The following PDS5B variants were observed in gnomAD, a reference collection of about 807,000 sequenced individuals.
The protein encoded by PDS5B is PDS5 cohesin associated factor B, also known as sister chromatid cohesion protein PDS5 homolog B.
Under a neutral mutation model 184.1 loss-of-function variants are expected in PDS5B, and 51 were observed. The observed-to-expected ratio is 0.28, with a 90% CI of 0.22 to 0.35. The LOEUF is 0.35. Ranked by LOEUF, PDS5B falls within the 10% of genes least tolerant of loss-of-function variation. The probability of loss-of-function intolerance (pLI) is 1.00; values close to 1 mark genes in which losing one functional copy is unlikely to be tolerated. For synonymous variants in PDS5B, 566 were observed against 569.2 expected (o/e 0.99, Z 0.08); for missense variants, 1,180 against 1,723.3 (o/e 0.68, Z 5.58).
rs1952158344 is a variant in PDS5B, at chr13:32,710,125, C to A, written c.2123+19C>A. 3 of 1,408,800 alleles carry A rather than the reference C, an allele frequency of 2.1e-6. No individual in the cohort carries two copies. The highest frequency in any genetic ancestry group is 2.8e-6 in the Non-Finnish European group (3 of 1,058,828). 87.3% of individuals were successfully genotyped at this position (1,408,800 alleles called of 1,614,324 possible). A position where few individuals can be genotyped will look rare whatever the true frequency, so the allele number is the denominator to read the frequency against. ...TCAGATCGTGAGTTGAGTTTATTTT[C>A]AAAAATATTCTGGACATCAGAAACA... is the stretch of plus-strand genomic sequence containing the variant. On this transcript the variant is annotated intron_variant, in intron 19 of 34. Transcript: ENST00000315596.
chr13:32,747,789 T>C (rs1335801237), intron 24 of PDS5B, among the ~76,000 whole-genome samples: 2 of 152,230 alleles, frequency 1.3e-5, no homozygotes, highest in Non-Finnish European at 2.9e-5. Flanking sequence ...TGGTATGGCA[T>C]TTCTTAGAGC....
chr13:32,683,804 C>T (rs1353258144), intron 10 of PDS5B, 74 bp from the exon 11 acceptor site: 1 of 968,704 alleles, frequency 1.0e-6, no homozygotes, highest in African/African-American at 1.7e-5. Flanking sequence ...GGCTTATTTT[C>T]AAGGGTATCA....
chr13:32,674,245 A>G (rs1285172210), intron 8 of PDS5B, among the ~76,000 whole-genome samples: 1 of 152,222 alleles, frequency 6.6e-6, no homozygotes, highest in Non-Finnish European at 1.5e-5. Flanking sequence ...GGTTATAATT[A>G]TTAATCTTTG....
At chr13:32,718,618 C>T (rs1433965906) in intron 19 of PDS5B, among the ~76,000 whole-genome samples, 4 of 152,118 alleles carry the variant, frequency 2.6e-5, no homozygotes, top group Admixed American at 2.0e-4. Context: ...TATTGTTTAA[C>T]ATTGTTTTGG....
intron 1 of PDS5B, among the ~76,000 whole-genome samples, chr13:32,641,311 C>T (rs1950082827): frequency 6.6e-6 from 1 of 151,774 alleles, no homozygotes; most frequent in South Asian, 2.1e-4. Context: ...TTAATGATAC[C>T]CTCTTCTTCT....
At chr13:32,738,632 C>T (rs1171042593) in intron 21 of PDS5B, among the ~76,000 whole-genome samples, 1 of 152,028 alleles carries the variant, frequency 6.6e-6, no homozygotes, top group Non-Finnish European at 1.5e-5. Context: ...TGTCTTTTCA[C>T]TCCTTTATTG....
At chr13:32,611,503 CTTTTTTTTTTTT>C (rs35825698) in intron 1 of PDS5B, among the ~76,000 whole-genome samples, 6 of 110,918 alleles carry the variant, frequency 5.4e-5, no homozygotes, top group African/African-American at 2.1e-4. Flanking sequence ...TTGGTTAAAA[CTTTTTTTTTTTT>C]TTTTTTTTTG....
At chr13:32,689,184 T>G (rs1951478996) in intron 13 of PDS5B, 1 of 152,428 alleles carries the variant, frequency 6.6e-6, no homozygotes, top group South Asian at 2.1e-4. Context: ...GCTTTAGGTT[T>G]TAGGAAATGT....
At chr13:32,729,103 C>T (rs146256349) in intron 19 of PDS5B, among the ~76,000 whole-genome samples, 7 of 152,202 alleles carry the variant, frequency 4.6e-5, no homozygotes, top group South Asian at 2.1e-4. Flanking sequence ...CCTTGCCCCC[C>T]ACCCCACAAC....
intron 19 of PDS5B, among the ~76,000 whole-genome samples, chr13:32,726,367 G>T (rs541010773): frequency 1.3e-5 from 2 of 152,230 alleles, no homozygotes; most frequent in South Asian, 2.1e-4. Context: ...ATGGACATTG[G>T]GTTGTTTTCA....
chr13:32,589,251 C>T (rs987337662), intron 1 of PDS5B, among the ~76,000 whole-genome samples: 4 of 152,076 alleles, frequency 2.6e-5, no homozygotes, highest in East Asian at 1.9e-4. Context: ...TTAAGATATC[C>T]TGGAAGCTTA....
At chr13:32,751,655 C>G (rs964024635) in intron 24 of PDS5B, among the ~76,000 whole-genome samples, 29 of 152,144 alleles carry the variant, frequency 1.9e-4, no homozygotes, top group African/African-American at 6.8e-4. Flanking sequence ...TGTATATCTT[C>G]TTTTGAAAAG....
intron 25 of PDS5B, among the ~76,000 whole-genome samples, chr13:32,753,915 G>T (rs1954076944): frequency 6.6e-6 from 1 of 152,136 alleles, no homozygotes; most frequent in Admixed American, 6.5e-5. Flanking sequence ...AATATCAGGT[G>T]TTTGCGTGCC....
chr13:32,623,957 G>A (rs545727383), intron 1 of PDS5B, among the ~76,000 whole-genome samples: 10 of 151,956 alleles, frequency 6.6e-5, no homozygotes, highest in South Asian at 6.2e-4. Flanking sequence ...GAAGACAGGC[G>A]TGTGCCACCA....
At chr13:32,590,537 G>T (rs370646298) in intron 1 of PDS5B, among the ~76,000 whole-genome samples, 2 of 152,254 alleles carry the variant, frequency 1.3e-5, no homozygotes, top group East Asian at 3.9e-4. Context: ...GTGGGAGAGT[G>T]AAATTAGCCA....
In PDS5B at chr13:32,688,399, T is replaced by C. The variant is rs1443489729; in HGVS notation, c.1356-57T>C. ...CTTTACATAGTTTTAGAATTTTATATACAACTTTAGAACATTAGAAAAAAA... is the reference window on the plus strand; with the variant it reads ...CTTTACATAGTTTTAGAATTTTATACACAACTTTAGAACATTAGAAAAAAA... On this transcript the variant is annotated intron_variant, in intron 12 of 34. Transcript: ENST00000315596. 9 of 822,564 alleles carry C rather than the reference T, an allele frequency of 1.1e-5. No individual in the cohort carries two copies. In the East Asian group the frequency reaches 2.2e-4, roughly 20 times the overall value. The allele number at this position is 822,564 out of a possible 1,614,324, so 51.0% of individuals were successfully genotyped here.
intron 19 of PDS5B, among the ~76,000 whole-genome samples, chr13:32,724,977 T>G (rs9596156): frequency 0.39 from 58,948 of 152,016 alleles, 11,924 homozygotes; most frequent in Non-Finnish European, 0.45. Flanking sequence ...TTATAAGATT[T>G]GTATGCTTTC....
At chr13:32,708,622 T>C (rs773736583) in intron 18 of PDS5B, among the ~76,000 whole-genome samples, 1 of 152,198 alleles carries the variant, frequency 6.6e-6, no homozygotes, top group Non-Finnish European at 1.5e-5. Context: ...CTTCAAAATA[T>C]GGAATATAAT....
intron 9 of PDS5B, among the ~76,000 whole-genome samples, chr13:32,676,955 A>G (rs973270662): frequency 9.4e-5 from 14 of 148,688 alleles, no homozygotes; most frequent in South Asian, 8.5e-4. Context: ...AAAAAAAAAA[A>G]AGATTTAAAG....
Sources: allele counts gnomAD v4.1 joint callset (sites outside exome capture counted in the v4.1 genomes callset), GRCh38; gene constraint gnomAD v4.1.1; transcripts MANE v1.5; gene names NCBI Gene and HGNC (gene_info 2026-07-23, HGNC 2026-07-21).